ANKFN1: variants seen among roughly 807,000 people sequenced by gnomAD.
ANKFN1 encodes the protein ankyrin repeat and fibronectin type III domain containing 1, also known as ankyrin repeat and fibronectin type-III domain-containing protein 1.
A neutral mutation model predicts 108.7 loss-of-function variants in ANKFN1; 74 were observed. That is an observed-to-expected ratio of 0.68 (90% CI 0.56 to 0.83). The LOEUF is 0.83. Among genes scored for constraint, ANKFN1 ranks in the 40% least tolerant of loss-of-function variants. ANKFN1 has a pLI of 0.00. For synonymous variants in ANKFN1, 547 were observed against 516.2 expected, an observed-to-expected ratio of 1.06 and a Z score of -0.81; for missense variants, 1,505 against 1,382.3, an observed-to-expected ratio of 1.09 and a Z score of -1.41.
chr17:56,447,591 G>C (rs1373141778), intron 10 of ANKFN1, among the ~76,000 whole-genome samples: 1 of 152,180 alleles, frequency 6.6e-6, no homozygotes, highest in Non-Finnish European at 1.5e-5. Flanking sequence ...ACAGGTCCAT[G>C]GGGGAGGGTG....
chr17:56,228,057 A>G (rs760431753), intron 3 of ANKFN1, 100 bp downstream of exon 3: 16 of 1,008,998 alleles, frequency 1.6e-5, no homozygotes, highest in South Asian at 8.9e-5. Flanking sequence ...TGCATTTTTA[A>G]AGTCTAGCTC....
At chr17:56,456,155 C>A (rs2049686013) in intron 11 of ANKFN1, among the ~76,000 whole-genome samples, 1 of 152,030 alleles carries the variant, frequency 6.6e-6, no homozygotes, top group African/African-American at 2.4e-5. Flanking sequence ...GAATGCTTTA[C>A]CAACATTGAG....
chr17:56,202,106 G>A (rs1262387327), intron 1 of ANKFN1, among the ~76,000 whole-genome samples: 1 of 152,192 alleles, frequency 6.6e-6, no homozygotes, highest in East Asian at 1.9e-4. Context: ...AGGCCAGAAG[G>A]CAAAGTAGCC....
At chr17:56,155,062 G>A (rs1001700346) in intron 1 of ANKFN1, among the ~76,000 whole-genome samples, 8 of 152,184 alleles carry the variant, frequency 5.3e-5, no homozygotes, top group Non-Finnish European at 1.2e-4. Context: ...GGATAGGAGG[G>A]TTTGGGAGAG....
intron 4 of ANKFN1, among the ~76,000 whole-genome samples, chr17:56,133,673 C>A (rs1206698527): frequency 6.6e-6 from 1 of 151,956 alleles, no homozygotes. Context: ...TCAGTCTGTA[C>A]CCACGAATGT....
At chr17:56,244,951 A>G (rs1179674991) in intron 3 of ANKFN1, among the ~76,000 whole-genome samples, 2 of 152,144 alleles carry the variant, frequency 1.3e-5, no homozygotes, top group African/African-American at 2.4e-5. Context: ...TCTAATTTCA[A>G]CATATGTTTC....
At chr17:56,425,967 T>C (rs565869274) in intron 8 of ANKFN1, among the ~76,000 whole-genome samples, 1 of 152,346 alleles carries the variant, frequency 6.6e-6, no homozygotes, top group South Asian at 2.1e-4. Context: ...GATGAATCAG[T>C]CAGCCAATCA....
At chr17:56,417,341 T>C (rs2048271995) in intron 8 of ANKFN1, among the ~76,000 whole-genome samples, 1 of 152,184 alleles carries the variant, frequency 6.6e-6, no homozygotes, top group Non-Finnish European at 1.5e-5. Flanking sequence ...TTAATATATA[T>C]ACATGTACTA....
At chr17:56,255,099 G>A (rs1443510818) in intron 3 of ANKFN1, among the ~76,000 whole-genome samples, 1 of 152,208 alleles carries the variant, frequency 6.6e-6, no homozygotes, top group African/African-American at 2.4e-5. Flanking sequence ...GCCATGGAAG[G>A]AATTCCTCCA....
chr17:56,293,260 A>T (rs2044413222), intron 3 of ANKFN1, among the ~76,000 whole-genome samples: 1 of 152,182 alleles, frequency 6.6e-6, no homozygotes. Context: ...ACTGCATGCC[A>T]GGCACCATGT....
At chr17:56,059,632 A>G (rs1307205737) in intron 4 of ANKFN1, among the ~76,000 whole-genome samples, 1 of 152,198 alleles carries the variant, frequency 6.6e-6, no homozygotes, top group Non-Finnish European at 1.5e-5. Context: ...GAAGGGATCC[A>G]GTTTCAGTTT....
At chr17:56,461,863 C>CT (rs2049913901) in intron 14 of ANKFN1, among the ~76,000 whole-genome samples, 1 of 152,148 alleles carries the variant, frequency 6.6e-6, no homozygotes, top group Non-Finnish European at 1.5e-5. Context: ...TTGAGGGAAA[C>CT]TTTATCTAGC....
Position 56,477,516 on chromosome 17 carries a change from A to G in ANKFN1, c.1802A>G (p.His601Arg). ...QDILSYHKRS[H>R]QRLFPGLYLG... The stretch of plus-strand genomic sequence containing the variant: ...ATTCTATCCTATCACAAAAGGAGTC[A>G]TCAGCGTCTCTTTCCTGGATTATAT... Residue 601 changes from histidine to arginine, a missense_variant, in exon 16 of 21, where the codon CAT (histidine) becomes CGT (arginine). Transcript: ENST00000682825. 1.2e-6 allele frequency: 2 copies of G among 1,609,178 alleles called. No homozygotes were observed. The highest frequency in any genetic ancestry group is 1.7e-6 in the Non-Finnish European group (2 of 1,178,742).
At chr17:56,240,880 GT>G (rs11326664) in intron 3 of ANKFN1, among the ~76,000 whole-genome samples, 2,357 of 151,554 alleles carry the variant, frequency 0.016, 54 homozygotes, top group African/African-American at 0.053. Context: ...TATTTTTATG[GT>G]TTTGTATAAG....
rs137997066 is a variant in ANKFN1, at chr17:56,177,395, T to C, written c.-71+23865T>C. Among the ~76,000 whole-genome samples the C allele has an allele frequency of 4.1e-4, 63 of 152,366 alleles. No individual in the cohort carries two copies. The East Asian group carries it at 0.012, about 28-fold the overall frequency. ...ATGCCCATTTTCCATGATGCATATG[T>C]GTGATGTGAAAAATCATCTCACCTT... is the stretch of plus-strand genomic sequence containing the variant. On this transcript the variant is annotated intron_variant, in intron 1 of 20. Transcript: ENST00000682825.
At chr17:56,343,674 T>C (rs2046021874) in intron 4 of ANKFN1, among the ~76,000 whole-genome samples, 1 of 151,932 alleles carries the variant, frequency 6.6e-6, no homozygotes, top group Non-Finnish European at 1.5e-5. Flanking sequence ...AGCCTTTCTA[T>C]ACCTCTCTTC....
At chr17:56,267,792 T>G (rs551017541) in intron 3 of ANKFN1, among the ~76,000 whole-genome samples, 29 of 152,330 alleles carry the variant, frequency 1.9e-4, no homozygotes, top group African/African-American at 7.0e-4. Context: ...TGTTGGTTAT[T>G]GTAGGCTTCT....
chr17:56,476,587 G>A (rs2050507402), intron 15 of ANKFN1, among the ~76,000 whole-genome samples: 1 of 152,232 alleles, frequency 6.6e-6, no homozygotes, highest in Admixed American at 6.5e-5. Context: ...TGAAGCTGAT[G>A]ATGTAGAGAC....
chr17:56,228,778 A>G (rs957748348), intron 3 of ANKFN1, among the ~76,000 whole-genome samples: 8 of 152,114 alleles, frequency 5.3e-5, no homozygotes, highest in African/African-American at 1.7e-4. Context: ...GTAATCAACA[A>G]CTATAAGGTA....
Sources: gnomAD v4.1 joint callset for allele counts (sites outside exome capture counted in the v4.1 genomes callset) on GRCh38, gnomAD v4.1.1 for gene constraint, MANE v1.5 for transcripts, NCBI Gene and HGNC (gene_info 2026-07-23, HGNC 2026-07-21) for gene names.